The following PRSS33 variants were observed in gnomAD, a reference collection of about 807,000 sequenced individuals.
PRSS33 encodes the protein serine protease 33.
Under a neutral mutation model 26.7 loss-of-function variants are expected in PRSS33, and 32 were observed. The observed-to-expected ratio is 1.20, with a 90% CI of 0.90 to 1.61. The LOEUF (loss-of-function observed/expected upper bound fraction) is 1.61. Among genes scored for constraint, PRSS33 ranks in the 40% most tolerant of loss-of-function variants. The pLI, the probability that PRSS33 is intolerant of heterozygous loss-of-function variation, is 0.00. For synonymous variants in PRSS33, 192 were observed against 177.6 expected, an observed-to-expected ratio of 1.08 and a Z score of -0.64; for missense variants, 450 against 396.3, an observed-to-expected ratio of 1.14 and a Z score of -1.15.
rs948790980 is a variant in PRSS33, at chr16:2,785,553, C to T, written c.336G>A (p.Val112=). The T allele has an allele frequency of 2.0e-6, 3 of 1,527,990 alleles. No homozygotes were observed. Among genetic ancestry groups the T allele is most frequent in the Admixed American group, 4.0e-5 (2 of 50,600 alleles). 94.7% of individuals were successfully genotyped at this position (1,527,990 alleles called of 1,614,324 possible). Residue 112 remains valine, a synonymous_variant, in exon 5 of 7, where the codon GTG becomes GTA. Transcript: ENST00000682474. ...CCTCGGAGTAGTCCGGGGGCAGCAGCACCCGTCGCACGGGCACCGAGAGCG... is the reference window on the plus strand; with the variant it reads ...CCTCGGAGTAGTCCGGGGGCAGCAGTACCCGTCGCACGGGCACCGAGAGCG... The part of the protein sequence containing the change: ...PRTLSVPVRR[V]LLPPDYSEDG...
Position 2,784,697 on chromosome 16 carries a change from A to G in PRSS33, c.790T>C (p.Tyr264His). The change falls in exon 7 of 7, where the codon TAC becomes CAC. Residue 264 changes from tyrosine (Y) to histidine (H), a missense_variant. Physicochemically the swap from Tyr to His is moderately conservative, Grantham distance 83. Coordinates refer to ENST00000682474, the MANE Select transcript of PRSS33 (RefSeq NM_152891.3). ...GGGCTATATGTGGCCACACTGGTGT[A>G]GACCCCTGGACGGTTGGGCAGGGCA... ...GCALPNRPGV[Y>H]TSVATYSPWI... is the part of the protein sequence containing the mutation. 6.2e-7 allele frequency: 1 copy of G among 1,606,516 alleles called. No individual in the cohort carries two copies. The highest frequency in any genetic ancestry group is 1.1e-5 in the South Asian group (1 of 89,626).
Position 2,785,356 on chromosome 16 carries a change from C to T in PRSS33, c.514+19G>A, listed in dbSNP as rs995468441. On this transcript the variant is annotated intron_variant, in intron 5 of 6. Coordinates refer to ENST00000682474, the MANE Select transcript of PRSS33 (RefSeq NM_152891.3). ...GTGGGGGCTCCCGGATGCCTCGGAG[C>T]CCCGCCCTCCTGCCTTACCTCCTGG... is the stretch of plus-strand genomic sequence containing the variant. 14 of 1,444,616 alleles carry T rather than the reference C, an allele frequency of 9.7e-6. No individual in the cohort carries two copies. The highest frequency in any genetic ancestry group is 2.3e-4 in the Middle Eastern group (1 of 4,298). The allele number at this position is 1,444,616 out of a possible 1,614,324, so 89.5% of individuals were successfully genotyped here.
At chr16:2,784,836 T>C (rs1350950660) in intron 6 of PRSS33, 34 bp from the exon 7 acceptor site, 1 of 1,570,502 alleles carries the variant, frequency 6.4e-7, no homozygotes, top group Non-Finnish European at 8.6e-7. Flanking sequence ...GTCCCAGCCC[T>C]CCCAGGACTT....
Position 2,785,943 on chromosome 16 carries a change from A to T in PRSS33, c.98T>A (p.Met33Lys), listed in dbSNP as rs760138836. 2 of 1,612,722 alleles carry T rather than the reference A, an allele frequency of 1.2e-6. No individual in the cohort carries two copies. Among genetic ancestry groups the T allele is most frequent in the South Asian group, 2.2e-5 (2 of 91,054 alleles). The part of the protein sequence containing the change: ...RKSAACGQPR[M>K]SSRIVGGRDG... ...CCGGCCCCCAACGATCCGACTGGAC[A>T]TGCGGGGCTGCCCGCAGGCTAGAAA... Residue 33 changes from methionine to lysine, a missense_variant, in exon 4 of 7, where the codon ATG becomes AAG. Met to Lys is a moderately conservative substitution (Grantham distance 95). Transcript: ENST00000682474.
Position 2,784,655 on chromosome 16 carries a change from C to T in PRSS33, c.832G>A (p.Val278Ile), listed in dbSNP as rs186640650. 1,973 of 1,595,544 alleles carry T rather than the reference C, an allele frequency of 1.2e-3. 2 individuals carry two copies. The highest frequency in any genetic ancestry group is 2.0e-3 in the South Asian group (179 of 88,404). Residue 278 changes from valine (V) to isoleucine (I), a missense_variant, in exon 7 of 7, where the codon GTC (valine) becomes ATC (isoleucine). Transcript: ENST00000682474. ...CTCACCGGCTAGCATTAGAAGCTGA[C>T]GCGAGCCTGAATCCAGGGGCTATAT... ...ATYSPWIQAR[V>I]SF
chr16:2,786,308 G>A (rs530342745), intron 2 of PRSS33, among the ~76,000 whole-genome samples, 187 bp from the exon 3 acceptor site: 1 of 152,286 alleles, frequency 6.6e-6, no homozygotes, highest in East Asian at 1.9e-4. Context: ...GGGCAAGGGC[G>A]TATGAGCATG....
In PRSS33 at chr16:2,786,056, G is replaced by A. The variant is rs776113623; in HGVS notation, c.79+33C>T. 13 of 1,612,896 alleles carry A rather than the reference G, an allele frequency of 8.1e-6. 1 individual carries two copies. The South Asian group carries it at 1.4e-4, about 18-fold the overall frequency. On this transcript the variant is annotated intron_variant, in intron 3 of 6. Transcript: ENST00000682474. Reference sequence around the variant, plus strand: ...AGACACGGGGCCGAGGTCCAGGAGGGGCTGACTCGGGTGGACTCCGAGGCT... The same window carrying A: ...AGACACGGGGCCGAGGTCCAGGAGGAGCTGACTCGGGTGGACTCCGAGGCT...
In PRSS33 at chr16:2,785,029, G is replaced by T; in HGVS notation, c.657C>A (p.Tyr219Ter). ...IVLPGSLCAGYPQGHKDACQG... is the reference protein window; with the variant it reads ...IVLPGSLCAG ...GGCAGGCGTCCTTGTGGCCCTGGGGGTAGCCGGCACACAGACTCCCAGGCA... is the reference window on the plus strand; with the variant it reads ...GGCAGGCGTCCTTGTGGCCCTGGGGTTAGCCGGCACACAGACTCCCAGGCA... Residue 219 changes from tyrosine to a stop codon, truncating the protein, a stop_gained, in exon 6 of 7, where the codon TAC becomes TAA. Coordinates refer to ENST00000682474, the MANE Select transcript of PRSS33 (RefSeq NM_152891.3). LOFTEE classifies it low-confidence loss of function (END_TRUNC). 1.3e-6 allele frequency: 2 copies of T among 1,593,848 alleles called. No homozygotes were observed. Among genetic ancestry groups the T allele is most frequent in the Non-Finnish European group, 8.5e-7 (1 of 1,172,814 alleles).
At chr16:2,786,036 C>G (rs368419153) in intron 3 of PRSS33, 53 bp downstream of exon 3, 1 of 1,612,188 alleles carries the variant, frequency 6.2e-7, no homozygotes, top group Non-Finnish European at 8.5e-7. Flanking sequence ...TGGGGAGACA[C>G]GGGGCCGAGG....
At chr16:2,786,844 C>CGG in intron 1 of PRSS33, 2 of 293,282 alleles carry the variant, frequency 6.8e-6, no homozygotes, top group Non-Finnish European at 1.3e-5. Flanking sequence ...TAACCCCCCT[C>CGG]GGTCATCCTC....
At chr16:2,786,324 G>A (rs2068873988) in intron 2 of PRSS33, among the ~76,000 whole-genome samples, 178 bp downstream of exon 2, 1 of 152,154 alleles carries the variant, frequency 6.6e-6, no homozygotes, top group African/African-American at 2.4e-5. Flanking sequence ...GCATGACACC[G>A]ACAAGCACAT....
chr16:2,784,404 G>A lies in PRSS33; in HGVS notation c.*240C>T, dbSNP rs1157808530. The A allele has an allele frequency of 8.9e-6, 4 of 448,906 alleles. No individual in the cohort carries two copies. Among genetic ancestry groups the A allele is most frequent in the Non-Finnish European group, 1.2e-5 (3 of 250,026 alleles). 27.8% of individuals were successfully genotyped at this position (448,906 alleles called of 1,614,324 possible). A position where few individuals can be genotyped will look rare whatever the true frequency, so the allele number is the denominator to read the frequency against. On this transcript the variant is annotated 3_prime_UTR_variant, in exon 7 of 7. Coordinates refer to ENST00000682474, the MANE Select transcript of PRSS33 (RefSeq NM_152891.3). ...AAATACAAGCCAGGAAGGGAGTGGG[G>A]AGTGTGACTCCCTGGGACTCATGGC...
At position 2,786,128 on chromosome 16, in the gene PRSS33, G is replaced by A. The variant is rs1451743605; in HGVS notation, c.47-7C>T. 3.1e-6 allele frequency: 5 copies of A among 1,612,834 alleles called. No homozygotes were observed. The highest frequency in any genetic ancestry group is 1.7e-5 in the Admixed American group (1 of 60,026). The stretch of plus-strand genomic sequence containing the variant: ...CCCTGAGTCCCAGCAGCTCCTGGAG[G>A]AGGAAGCAGGGAAGGGACCAGATTA... On this transcript the variant is annotated splice_polypyrimidine_tract_variant and splice_region_variant and intron_variant, in intron 2 of 6. Coordinates refer to ENST00000682474, the MANE Select transcript of PRSS33 (RefSeq NM_152891.3).
At position 2,784,776 on chromosome 16, in the gene PRSS33, G is replaced by C; in HGVS notation, c.711C>G (p.Cys237Trp). 1 of 1,608,880 alleles carries C rather than the reference G, an allele frequency of 6.2e-7. No homozygotes were observed. Among genetic ancestry groups the C allele is most frequent in the Non-Finnish European group, 8.5e-7 (1 of 1,177,924 alleles). The change falls in exon 7 of 7, where the codon TGC becomes TGG. Residue 237 changes from cysteine to tryptophan, a missense_variant. Physicochemically the swap from Cys to Trp is radical, Grantham distance 215. Coordinates refer to ENST00000682474, the MANE Select transcript of PRSS33 (RefSeq NM_152891.3). Reference protein sequence around the residue: ...CQGDSGGPLTCLQSGSWVLVG... With the variant: ...CQGDSGGPLTWLQSGSWVLVG... ...CCAGGACCCAGCTCCCAGACTGCAG[G>C]CAGGTCAGAGGTCCCCCAGAATCAC...
Position 2,786,517 on chromosome 16 carries a change from G to A in PRSS33, c.31C>T (p.Leu11Phe), listed in dbSNP as rs2068875948. The change falls in exon 2 of 7, where the codon CTC becomes TTC. Residue 11 changes from leucine to phenylalanine, a missense_variant. Transcript: ENST00000682474. ...CCCCACTCACCCAGCACCAGAAGGA[G>A]CAGGACCTGGAGACAGGAAACCCCT... is the stretch of plus-strand genomic sequence containing the variant. MRGVSCLQVL[L>F]LLVLGAAGTQ... 6 of 1,613,400 alleles carry A rather than the reference G, an allele frequency of 3.7e-6. No individual in the cohort carries two copies. Among genetic ancestry groups the A allele is most frequent in the Non-Finnish European group, 5.1e-6 (6 of 1,179,730 alleles).
At chr16:2,787,637 G>A (rs1396997400), upstream of PRSS33, among the ~76,000 whole-genome samples, 1 of 151,230 alleles carries the variant, frequency 6.6e-6, no homozygotes, top group Non-Finnish European at 1.5e-5. Flanking sequence ...AACAGGGCCG[G>A]GGCGGGGCTG....
chr16:2,785,411 A>T lies in PRSS33; in HGVS notation c.478T>A (p.Cys160Ser). ...PGARPPPGTP[C>S]RVTGWGSLRP... The stretch of plus-strand genomic sequence containing the variant: ...AGGCTGCCCCAGCCGGTGACCCGGC[A>T]TGGTGTGCCGGGCGGCGGGCGGGCG... The change falls in exon 5 of 7, where the codon TGC becomes AGC. Residue 160 changes from cysteine (C) to serine (S), a missense_variant. Transcript: ENST00000682474. 5.5e-6 allele frequency: 8 copies of T among 1,447,358 alleles called. No homozygotes were observed. Among genetic ancestry groups the T allele is most frequent in the Non-Finnish European group, 7.2e-6 (8 of 1,111,816 alleles). The allele number at this position is 1,447,358 out of a possible 1,614,324, so 89.7% of individuals were successfully genotyped here.
rs753869322 is a variant in PRSS33, at chr16:2,785,073, G to T, written c.613C>A (p.Gln205Lys). The T allele has an allele frequency of 1.5e-4, 243 of 1,572,406 alleles. No individual in the cohort carries two copies. The highest frequency in any genetic ancestry group is 2.0e-4 in the Non-Finnish European group (235 of 1,161,858). ...GLYHVGADVP[Q>K]AERIVLPGSL... Reference sequence around the variant, plus strand: ...CCAGGCAGCACAATGCGCTCAGCCTGGGGCACGTCCGCGCCCACGTGGTAG... The same window carrying T: ...CCAGGCAGCACAATGCGCTCAGCCTTGGGCACGTCCGCGCCCACGTGGTAG... Residue 205 changes from glutamine (Q) to lysine (K), a missense_variant, in exon 6 of 7, where the codon CAG becomes AAG. Transcript: ENST00000682474.
chr16:2,785,742 C>T (rs1196834776), intron 4 of PRSS33, 57 bp downstream of exon 4: 9 of 1,509,462 alleles, frequency 6.0e-6, no homozygotes, highest in Middle Eastern at 4.6e-4. Context: ...CACGCCCGGT[C>T]CTCTGCGGGC....
Sources: gnomAD v4.1 joint callset for allele counts (sites outside exome capture counted in the v4.1 genomes callset) on GRCh38, gnomAD v4.1.1 for gene constraint, MANE v1.5 for transcripts, NCBI Gene and HGNC (gene_info 2026-07-23, HGNC 2026-07-21) for gene names.